Variants in POLR3A observed in about 807,000 individuals in gnomAD.
The protein encoded by POLR3A is DNA-directed RNA polymerase III subunit RPC1.
In POLR3A, 112 loss-of-function variants were observed where a neutral mutation model predicts 152.8. The observed-to-expected ratio is 0.73, with a 90% confidence interval of 0.63 to 0.86. POLR3A has a LOEUF of 0.86. Ranked by LOEUF, POLR3A falls within the 40% of genes least tolerant of loss-of-function variation. The probability of loss-of-function intolerance (pLI) is 0.00; values close to 1 mark genes in which losing one functional copy is unlikely to be tolerated. For missense variants in POLR3A, 1,385 were observed against 1,743.1 expected (o/e 0.79, Z 3.66); for synonymous variants, 615 against 652.1 (o/e 0.94, Z 0.87).
At chr10:78,013,940 T>C in intron 10 of POLR3A, 150 bp from the exon 11 acceptor site, 1 of 913,724 alleles carries the variant, frequency 1.1e-6, no homozygotes, top group South Asian at 1.5e-5. Flanking sequence ...AAGTGATATA[T>C]ATCATTTAGG....
In POLR3A at chr10:78,007,328, A is replaced by G. The variant is rs79403557; in HGVS notation, c.2074+374T>C. On this transcript the variant is annotated intron_variant, in intron 15 of 30. Coordinates refer to ENST00000372371, the MANE Select transcript of POLR3A (RefSeq NM_007055.4). ...ACAAACAAAATAGAACAGTGAAAGC[A>G]TAGTAGGCAAATATTGAGTAATCTT... 3.0e-3 allele frequency among the ~76,000 whole-genome samples: 458 copies of G among 152,352 alleles called. 1 individual carries two copies. Among genetic ancestry groups the G allele is most frequent in the Admixed American group, 6.0e-3 (92 of 15,298 alleles).
At chr10:77,993,498 C>A in intron 19 of POLR3A, 131 bp from the exon 20 acceptor site, 1 of 733,664 alleles carries the variant, frequency 1.4e-6, no homozygotes, top group Non-Finnish European at 2.4e-6. Flanking sequence ...TATTAGAAAC[C>A]CTTTAAAAAG....
At chr10:78,024,192 T>C (rs1353993100) in intron 5 of POLR3A, among the ~76,000 whole-genome samples, 3 of 151,828 alleles carry the variant, frequency 2.0e-5, no homozygotes, top group Admixed American at 6.6e-5. Context: ...GGGGAAACCC[T>C]GTCTCTACTA....
intron 11 of POLR3A, among the ~76,000 whole-genome samples, chr10:78,012,930 C>T (rs897496893): frequency 4.6e-5 from 7 of 152,228 alleles, no homozygotes; most frequent in East Asian, 1.9e-4. Context: ...CCATGTTGTC[C>T]GGGCTGGTCT....
chr10:78,006,926 C>G (rs1847417418), intron 15 of POLR3A, among the ~76,000 whole-genome samples: 1 of 152,066 alleles, frequency 6.6e-6, no homozygotes, highest in African/African-American at 2.4e-5. Context: ...CAAGACCAAC[C>G]TGGGCAACAT....
At chr10:78,009,477 C>T (rs1847442971) in intron 14 of POLR3A, 60 bp downstream of exon 14, 2 of 1,611,508 alleles carry the variant, frequency 1.2e-6, no homozygotes, top group Admixed American at 3.3e-5. Context: ...AAGCTGATGA[C>T]CAGCCACTTG....
intron 19 of POLR3A, 54 bp downstream of exon 19, chr10:77,999,927 C>T (rs1847340132): frequency 1.9e-6 from 3 of 1,574,784 alleles, no homozygotes; most frequent in Admixed American, 1.7e-5. Flanking sequence ...ATAGTCAAAA[C>T]CCACAGAGCT....
At chr10:77,993,122 A>G in intron 20 of POLR3A, 75 bp downstream of exon 20, 2 of 1,074,870 alleles carry the variant, frequency 1.9e-6, no homozygotes, top group Non-Finnish European at 2.9e-6. Context: ...TGCAATTGAT[A>G]GTCCAAACAG....
chr10:77,985,730 G>C (rs962037045), intron 23 of POLR3A, among the ~76,000 whole-genome samples, 173 bp downstream of exon 23: 3 of 152,204 alleles, frequency 2.0e-5, no homozygotes, highest in Non-Finnish European at 4.4e-5. Flanking sequence ...CCGTTATCTT[G>C]GAGCATTCAG....
At chr10:77,999,437 G>T (rs1244236970) in intron 19 of POLR3A, among the ~76,000 whole-genome samples, 4 of 152,216 alleles carry the variant, frequency 2.6e-5, no homozygotes, top group Non-Finnish European at 2.9e-5. Context: ...TACTTTTGTG[G>T]TAAAGTTTGA....
chr10:78,001,251 G>C (rs1445447061), intron 17 of POLR3A, among the ~76,000 whole-genome samples, 157 bp from the exon 18 acceptor site: 7 of 152,180 alleles, frequency 4.6e-5, no homozygotes, highest in Non-Finnish European at 8.8e-5. Context: ...AGACAACAAG[G>C]AGCTGTCAGG....
intron 1 of POLR3A, among the ~76,000 whole-genome samples, chr10:78,029,150 C>T (rs1352358565): frequency 1.3e-5 from 2 of 152,140 alleles, no homozygotes; most frequent in Non-Finnish European, 2.9e-5. Flanking sequence ...CTTCTCCGCC[C>T]AAGTCCAGGG....
At chr10:78,006,421 A>G (rs1392678966) in intron 15 of POLR3A, among the ~76,000 whole-genome samples, 2 of 148,828 alleles carry the variant, frequency 1.3e-5, no homozygotes, top group Non-Finnish European at 3.0e-5. Context: ...AAAAAAAAAA[A>G]GAAACAAAAA....
At chr10:78,024,107 T>C (rs561355128) in intron 5 of POLR3A, among the ~76,000 whole-genome samples, 2 of 152,164 alleles carry the variant, frequency 1.3e-5, no homozygotes, top group Admixed American at 1.3e-4. Context: ...CTCATACCTG[T>C]AATCTTAGCA....
rs377434967 is a variant in POLR3A at position 77,992,919 on chromosome 10, C to T, written c.2787+278G>A. Among the ~76,000 whole-genome samples, 72 of 149,880 alleles carry T rather than the reference C, an allele frequency of 4.8e-4. No homozygotes were observed. The South Asian group carries it at 6.2e-3, about 13-fold the overall frequency. ...TTTATAGAGACGGGGTCTCACTTTGCTGCCCAGGCTAGTCTTAAACTCCTG... is the reference window on the plus strand; with the variant it reads ...TTTATAGAGACGGGGTCTCACTTTGTTGCCCAGGCTAGTCTTAAACTCCTG... On this transcript the variant is annotated intron_variant, in intron 20 of 30. Transcript: ENST00000372371.
In POLR3A at chr10:77,986,097, G is replaced by T; in HGVS notation, c.2964C>A (p.Gly988=). 6.2e-7 allele frequency: 1 copy of T among 1,600,814 alleles called. No homozygotes were observed. The highest frequency in any genetic ancestry group is 8.6e-7 in the Non-Finnish European group (1 of 1,167,908). The part of the protein sequence containing the change: ...EKIKKTRDKY[G]INDNGTTEPR... Reference sequence around the variant, plus strand: ...CCTCTGTTGTGCCGTTATCATTGATGCCATATTTATCTCTGGTTTTCTTGA... The same window carrying T: ...CCTCTGTTGTGCCGTTATCATTGATTCCATATTTATCTCTGGTTTTCTTGA... Residue 988 remains glycine (G), a synonymous_variant, in exon 22 of 31, where the codon GGC becomes GGA. Coordinates refer to ENST00000372371, the MANE Select transcript of POLR3A (RefSeq NM_007055.4).
chr10:78,028,629 G>A (rs1847660270), intron 1 of POLR3A, among the ~76,000 whole-genome samples: 1 of 151,788 alleles, frequency 6.6e-6, no homozygotes, highest in Non-Finnish European at 1.5e-5. Flanking sequence ...TCAGCCTCCC[G>A]AGTAGCTGGG....
In POLR3A at chr10:78,024,550, T is replaced by C. The variant is rs1203348621; in HGVS notation, c.644A>G (p.Gln215Arg). 6.2e-7 allele frequency: 1 copy of C among 1,613,224 alleles called. No homozygotes were observed. The highest frequency in any genetic ancestry group is 1.1e-5 in the South Asian group (1 of 91,022). The change falls in exon 5 of 31, where the codon CAG (glutamine) becomes CGG (arginine). Residue 215 changes from glutamine (Q) to arginine (R), a missense_variant and splice_region_variant. Transcript: ENST00000372371. ...GCAGGCGTGCATTCTCAGGCTCACC[T>C]GTGCCCTTCCCAGCAGAGGCTCCAC... is the stretch of plus-strand genomic sequence containing the variant. The part of the protein sequence containing the change: ...KEVEPLLGRA[Q>R]ENLNPLVVLN...
Position 78,013,644 on chromosome 10 carries a change from A to G in POLR3A, c.1572+6T>C. On this transcript the variant is annotated splice_donor_region_variant and intron_variant, in intron 11 of 30. Transcript: ENST00000372371. Reference sequence around the variant, plus strand: ...TGCAAAAGCTGGGCTGTGCCACCCTACATACCCCCATCAGAACAAGGGCCT... The same window carrying G: ...TGCAAAAGCTGGGCTGTGCCACCCTGCATACCCCCATCAGAACAAGGGCCT... The G allele has an allele frequency of 1.9e-6, 3 of 1,613,946 alleles. No homozygotes were observed. The highest frequency in any genetic ancestry group is 2.5e-6 in the Non-Finnish European group (3 of 1,179,912).
Sources: gnomAD v4.1 joint callset for allele counts (sites outside exome capture counted in the v4.1 genomes callset) on GRCh38, gnomAD v4.1.1 for gene constraint, MANE v1.5 for transcripts, NCBI Gene and HGNC (gene_info 2026-07-23, HGNC 2026-07-21) for gene names.